KANSL1L: variants seen among roughly 807,000 people sequenced by gnomAD.
KANSL1L encodes the protein KAT8 regulatory NSL complex subunit 1-like protein.
KANSL1L carries 25 observed loss-of-function variants against 108.6 expected under a neutral mutation model. That is an observed-to-expected ratio of 0.23 (90% CI 0.17 to 0.32). The LOEUF (loss-of-function observed/expected upper bound fraction) is 0.32. Among genes scored for constraint, KANSL1L ranks in the 10% least tolerant of loss-of-function variants. The probability of loss-of-function intolerance (pLI) is 1.00; values close to 1 mark genes in which losing one functional copy is unlikely to be tolerated. For missense variants in KANSL1L, 1,137 were observed against 1,125.7 expected, an observed-to-expected ratio of 1.01 and a Z score of -0.14; for synonymous variants, 405 against 395.1, an observed-to-expected ratio of 1.03 and a Z score of -0.30.
chr2:210,166,831 C>T (rs1340562223), intron 1 of KANSL1L, among the ~76,000 whole-genome samples: 1 of 151,878 alleles, frequency 6.6e-6, no homozygotes, highest in African/African-American at 2.4e-5. Flanking sequence ...AAATTATTTC[C>T]ACACTTGTGA....
chr2:210,135,288 G>C (rs1559589890), intron 2 of KANSL1L, among the ~76,000 whole-genome samples: 2 of 152,156 alleles, frequency 1.3e-5, no homozygotes, highest in Non-Finnish European at 2.9e-5. Flanking sequence ...TATCATCCTT[G>C]AGAAGATGGT....
Position 210,044,598 on chromosome 2 carries a change from T to TG in KANSL1L, c.1756-495dup, listed in dbSNP as rs1008794587. ...ATGGATTGCAGGGTTTGTTTTTTTT[T>TG]GGGGGGGGTATGGTTCTTTATCAGA... is the stretch of plus-strand genomic sequence containing the variant. On this transcript the variant is annotated intron_variant, in intron 6 of 14. Transcript: ENST00000281772. This position sits in a 1 kb window ranked among gnomAD's most constrained non-coding sequence, Gnocchi z 4.2. Among the ~76,000 whole-genome samples the TG allele has an allele frequency of 4.9e-4, 74 of 151,272 alleles. No homozygotes were observed. Among genetic ancestry groups the TG allele is most frequent in the Middle Eastern group, 3.4e-3 (1 of 292 alleles).
In KANSL1L at chr2:210,109,441, G is replaced by T. The variant is rs1420241787; in HGVS notation, c.1231-5140C>A. Among the ~76,000 whole-genome samples, 3 of 152,142 alleles carry T rather than the reference G, an allele frequency of 2.0e-5. No individual in the cohort carries two copies. The East Asian group carries it at 5.8e-4, about 29-fold the overall frequency. ...TTCAATATTAGATTATCTCCAGGAT[G>T]TCTACAGTATGACCATATAGAATAC... On this transcript the variant is annotated intron_variant, in intron 3 of 14. Coordinates refer to ENST00000281772, the MANE Select transcript of KANSL1L (RefSeq NM_152519.4).
At chr2:210,042,890 C>T (rs2094181096) in intron 7 of KANSL1L, among the ~76,000 whole-genome samples, 1 of 152,082 alleles carries the variant, frequency 6.6e-6, no homozygotes, top group South Asian at 2.1e-4. Context: ...AGGTTCAAAA[C>T]ATAGTGCTTT....
chr2:210,034,600 C>T (rs1316419790), intron 8 of KANSL1L, among the ~76,000 whole-genome samples: 1 of 152,068 alleles, frequency 6.6e-6, no homozygotes, highest in Admixed American at 6.6e-5. Context: ...GAGGTCACTG[C>T]CTACAGTGAT....
chr2:210,167,954 A>G (rs1403025797), intron 1 of KANSL1L, among the ~76,000 whole-genome samples: 1 of 152,018 alleles, frequency 6.6e-6, no homozygotes, highest in Non-Finnish European at 1.5e-5. Context: ...AAGTCCCCAT[A>G]AAACAACATT....
chr2:210,120,763 T>C (rs1460921937), intron 3 of KANSL1L, among the ~76,000 whole-genome samples: 2 of 152,164 alleles, frequency 1.3e-5, no homozygotes, highest in Admixed American at 6.5e-5. Context: ...AAAGGTCTAA[T>C]ATTCAGCATC....
intron 6 of KANSL1L, among the ~76,000 whole-genome samples, chr2:210,057,657 G>A (rs1216773479): frequency 6.6e-6 from 1 of 152,214 alleles, no homozygotes; most frequent in Non-Finnish European, 1.5e-5. Context: ...ACCCTGAATG[G>A]AGGGACCGGC....
chr2:210,113,539 T>C (rs1270810817), intron 3 of KANSL1L, among the ~76,000 whole-genome samples: 1 of 150,130 alleles, frequency 6.7e-6, no homozygotes, highest in Non-Finnish European at 1.5e-5. Flanking sequence ...AAGCATACAA[T>C]GAAACAGGAA....
intron 5 of KANSL1L, among the ~76,000 whole-genome samples, chr2:210,094,860 C>T (rs2094722635): frequency 6.6e-6 from 1 of 151,514 alleles, no homozygotes; most frequent in African/African-American, 2.4e-5. Context: ...CCACTAACAC[C>T]CTTTCCTAGG....
chr2:210,170,363 A>AC (rs1158391156), intron 1 of KANSL1L: 9 of 985,280 alleles, frequency 9.1e-6, no homozygotes, highest in Non-Finnish European at 1.1e-5. Flanking sequence ...AAACAAACAA[A>AC]AACGGACTCT....
At chr2:210,039,722 TTAATG>T (rs1268625616) in intron 8 of KANSL1L, among the ~76,000 whole-genome samples, 1 of 151,876 alleles carries the variant, frequency 6.6e-6, no homozygotes. Flanking sequence ...TTTTGTAGTT[TTAATG>T]TTTTATGTAC....
chr2:210,029,281 C>T (rs1353084205), intron 10 of KANSL1L: 1 of 225,092 alleles, frequency 4.4e-6, no homozygotes, highest in African/African-American at 2.3e-5. Context: ...ACATACATCA[C>T]CCTAAATGTC....
chr2:210,147,993 C>T (rs1298701043), intron 2 of KANSL1L, among the ~76,000 whole-genome samples: 1 of 152,168 alleles, frequency 6.6e-6, no homozygotes, highest in Non-Finnish European at 1.5e-5. Flanking sequence ...ACAGCCCTTA[C>T]TAAACATCAA....
chr2:210,121,745 T>A (rs920698994), intron 3 of KANSL1L, among the ~76,000 whole-genome samples: 2 of 152,106 alleles, frequency 1.3e-5, no homozygotes, highest in African/African-American at 4.8e-5. Flanking sequence ...AAGGAAGAAG[T>A]CAAATTATCC....
At chr2:210,117,171 G>T (rs1232954649) in intron 3 of KANSL1L, among the ~76,000 whole-genome samples, 1 of 152,080 alleles carries the variant, frequency 6.6e-6, no homozygotes, top group Non-Finnish European at 1.5e-5. Context: ...TGAGCTTGAA[G>T]ACAGGCTATG....
chr2:210,117,504 G>GA (rs747953822), intron 3 of KANSL1L, among the ~76,000 whole-genome samples: 92 of 152,238 alleles, frequency 6.0e-4, no homozygotes, highest in Admixed American at 1.4e-3. Context: ...AGCAGCAAGA[G>GA]AAAAGAAACA....
chr2:210,169,734 T>C (rs1156520988), intron 1 of KANSL1L, among the ~76,000 whole-genome samples: 1 of 152,204 alleles, frequency 6.6e-6, no homozygotes, highest in Non-Finnish European at 1.5e-5. Context: ...GACACTGATC[T>C]AAGTAGGTGG....
intron 1 of KANSL1L, among the ~76,000 whole-genome samples, chr2:210,162,099 A>C (rs2095364481): frequency 6.7e-6 from 1 of 148,284 alleles, no homozygotes; most frequent in Non-Finnish European, 1.5e-5. Flanking sequence ...ACACACACAC[A>C]CATATATTTT....
Sources: allele counts gnomAD v4.1 joint callset (sites outside exome capture counted in the v4.1 genomes callset), GRCh38; gene constraint gnomAD v4.1.1; non-coding constraint Gnocchi (gnomAD v3.1); transcripts MANE v1.5; gene names NCBI Gene and HGNC (gene_info 2026-07-23, HGNC 2026-07-21).